The following ROBO2 variants were observed in gnomAD, a reference collection of about 807,000 sequenced individuals.
ROBO2 encodes the protein roundabout guidance receptor 2, also known as roundabout homolog 2.
ROBO2 carries 53 observed loss-of-function variants against 160.8 expected under a neutral mutation model. The ratio of observed to expected loss-of-function variants is 0.33; its 90% confidence interval spans 0.26 to 0.41. The LOEUF (loss-of-function observed/expected upper bound fraction) is 0.41. Among genes scored for constraint, ROBO2 ranks in the 10% least tolerant of loss-of-function variants. ROBO2 has a pLI of 1.00. For synonymous variants in ROBO2, 664 were observed against 611.7 expected (o/e 1.09, Z -1.26); for missense variants, 1,577 against 1,722.4 (o/e 0.92, Z 1.49).
chr3:77,047,870 TG>T (rs1210098147), intron 1 of ROBO2, among the ~76,000 whole-genome samples: 3 of 151,600 alleles, frequency 2.0e-5, no homozygotes, highest in Non-Finnish European at 4.4e-5. Flanking sequence ...GGCGAAACCC[TG>T]TCTCTACTAA....
At chr3:76,416,283 G>C (rs2075754212) in intron 2 of ROBO2, among the ~76,000 whole-genome samples, 1 of 152,084 alleles carries the variant, frequency 6.6e-6, no homozygotes. Context: ...TGGCATGTTA[G>C]TTTTGTGTCT....
chr3:77,087,692 A>G (rs1229287213), intron 1 of ROBO2, among the ~76,000 whole-genome samples: 1 of 152,002 alleles, frequency 6.6e-6, no homozygotes, highest in Non-Finnish European at 1.5e-5. Context: ...ATGTGTGTGT[A>G]TATACAGATA....
intron 2 of ROBO2, among the ~76,000 whole-genome samples, chr3:76,599,809 A>G (rs1261379584): frequency 6.6e-6 from 1 of 151,900 alleles, no homozygotes; most frequent in East Asian, 1.9e-4. Context: ...AGTGATGTTG[A>G]GCTTTTTTTC....
intron 2 of ROBO2, among the ~76,000 whole-genome samples, chr3:76,365,778 T>G (rs950860285): frequency 2.0e-5 from 3 of 152,076 alleles, no homozygotes; most frequent in African/African-American, 7.2e-5. Flanking sequence ...CTTATAATGA[T>G]TCACAACATG....
At position 76,925,210 on chromosome 3, in the gene ROBO2, C is replaced by CAAAAAAAA. The variant is rs147022230; in HGVS notation, c.110-172790_110-172783dup. On this transcript the variant is annotated intron_variant, in intron 2 of 26. Transcript: ENST00000487694. Reference sequence around the variant, plus strand: ...TGGGCGACAGAGCGAGACTCCGTCTCAAAAAAAAAAAAAAAAAAAAATCTG... The same window carrying CAAAAAAAA: ...TGGGCGACAGAGCGAGACTCCGTCTCAAAAAAAAAAAAAAAAAAAAAAAAAAAAATCTG... Among the ~76,000 whole-genome samples the CAAAAAAAA allele has an allele frequency of 2.8e-3, 173 of 61,742 alleles. 1 individual carries two copies. The highest frequency in any genetic ancestry group is 9.3e-3 in the African/African-American group (141 of 15,196). The allele number at this position is 61,742 out of a possible 152,430, so 40.5% of individuals were successfully genotyped here. A position where few individuals can be genotyped will look rare whatever the true frequency, so the allele number is the denominator to read the frequency against.
rs565860070 is a variant in ROBO2, at chr3:76,508,584, AAAT to A, written c.109+570986_109+570988del. Reference sequence around the variant, plus strand: ...AGGAAACATCCATATCTATGTTTAAAAATAATCATTAATCTATTTATTTTAGTA... The same window carrying A: ...AGGAAACATCCATATCTATGTTTAAAAATCATTAATCTATTTATTTTAGTA... On this transcript the variant is annotated intron_variant, in intron 2 of 26. Transcript: ENST00000487694. Among the ~76,000 whole-genome samples, 25 of 152,290 alleles carry A rather than the reference AAAT, an allele frequency of 1.6e-4. No individual in the cohort carries two copies. In the South Asian group the frequency reaches 5.2e-3, roughly 32 times the overall value.
At chr3:76,334,906 A>T (rs1190723665) in intron 2 of ROBO2, among the ~76,000 whole-genome samples, 1 of 152,208 alleles carries the variant, frequency 6.6e-6, no homozygotes, top group Non-Finnish European at 1.5e-5. Flanking sequence ...AATTCTGAAA[A>T]TAATTTGATT....
intron 2 of ROBO2, 36 bp from the exon 3 acceptor site, chr3:77,477,378 G>A (rs372947438): frequency 2.1e-5 from 33 of 1,607,226 alleles, no homozygotes; most frequent in Admixed American, 5.0e-5. Flanking sequence ...AGTTACTGTC[G>A]TTGAGTTTTC....
chr3:77,641,025 C>A (rs2095343581), intron 24 of ROBO2, among the ~76,000 whole-genome samples: 1 of 152,128 alleles, frequency 6.6e-6, no homozygotes, highest in African/African-American at 2.4e-5. Context: ...ACAATAATTT[C>A]TCCTCACTGG....
At chr3:76,893,311 AACAC>A (rs112654771) in intron 2 of ROBO2, among the ~76,000 whole-genome samples, 1 of 149,306 alleles carries the variant, frequency 6.7e-6, no homozygotes, top group East Asian at 2.0e-4. Flanking sequence ...TTTTCAAGTG[AACAC>A]ACACACACAC....
At chr3:76,655,631 A>G (rs915758888) in intron 2 of ROBO2, among the ~76,000 whole-genome samples, 4 of 147,844 alleles carry the variant, frequency 2.7e-5, no homozygotes, top group African/African-American at 5.0e-5. Flanking sequence ...TCATTATATT[A>G]TTAAAAATTA....
At chr3:76,075,445 A>T (rs1456839367) in intron 2 of ROBO2, among the ~76,000 whole-genome samples, 4 of 148,944 alleles carry the variant, frequency 2.7e-5, no homozygotes, top group African/African-American at 5.0e-5. Context: ...GGATATTTTT[A>T]AAAATGTTCT....
intron 2 of ROBO2, among the ~76,000 whole-genome samples, chr3:76,608,806 T>C (rs995951512): frequency 6.6e-6 from 1 of 152,176 alleles, no homozygotes; most frequent in Non-Finnish European, 1.5e-5. Flanking sequence ...TTCCAGCACC[T>C]TGTATTTTTT....
intron 2 of ROBO2, among the ~76,000 whole-genome samples, chr3:76,003,086 G>T (rs907344064): frequency 5.3e-5 from 8 of 152,166 alleles, no homozygotes; most frequent in Admixed American, 1.3e-4. Flanking sequence ...GTAGACCACT[G>T]CTGGGCCCAC....
chr3:76,929,521 C>A (rs1401760432), intron 2 of ROBO2, among the ~76,000 whole-genome samples: 1 of 152,214 alleles, frequency 6.6e-6, no homozygotes, highest in Non-Finnish European at 1.5e-5. Context: ...CATCTCTCTC[C>A]TGGGTCATTG....
At chr3:77,506,598 G>A (rs1366294033) in intron 5 of ROBO2, among the ~76,000 whole-genome samples, 1 of 151,892 alleles carries the variant, frequency 6.6e-6, no homozygotes, top group Non-Finnish European at 1.5e-5. Context: ...GGTGCTACTG[G>A]CATCTAGTGG....
chr3:76,533,867 G>A lies in ROBO2; in HGVS notation c.110-564147G>A, dbSNP rs562992603. Among the ~76,000 whole-genome samples the A allele has an allele frequency of 8.5e-5, 13 of 152,138 alleles. No homozygotes were observed. The East Asian group carries it at 1.2e-3, about 14-fold the overall frequency. On this transcript the variant is annotated intron_variant, in intron 2 of 26. Coordinates refer to the ROBO2 transcript ENST00000487694. ...TGATCAGTTAGGGTAGGGCAGGAACGAGTCATAGTGGTGGAAGGTCATATG... is the reference window on the plus strand; with the variant it reads ...TGATCAGTTAGGGTAGGGCAGGAACAAGTCATAGTGGTGGAAGGTCATATG...
chr3:76,500,798 G>C (rs1388454983), intron 2 of ROBO2, among the ~76,000 whole-genome samples: 4 of 152,156 alleles, frequency 2.6e-5, no homozygotes, highest in African/African-American at 9.6e-5. Context: ...AATTTTCTGA[G>C]ATCCTTCCCC....
chr3:77,134,523 G>GT (rs1028108590), intron 2 of ROBO2, among the ~76,000 whole-genome samples: 2 of 152,134 alleles, frequency 1.3e-5, no homozygotes, highest in African/African-American at 4.8e-5. Context: ...TTAGGATTGG[G>GT]TTTTTTCAAG....
Sources: gnomAD v4.1 joint callset for allele counts (sites outside exome capture counted in the v4.1 genomes callset) on GRCh38, gnomAD v4.1.1 for gene constraint, MANE v1.5 for transcripts, NCBI Gene and HGNC (gene_info 2026-07-23, HGNC 2026-07-21) for gene names.